The following LAMA3 variants were observed in gnomAD, a reference collection of about 807,000 sequenced individuals.
LAMA3 encodes the protein laminin subunit alpha-3.
In LAMA3, 281 loss-of-function variants were observed where a neutral mutation model predicts 402.0. The ratio of observed to expected loss-of-function variants is 0.70; its 90% CI spans 0.63 to 0.77. The LOEUF (loss-of-function observed/expected upper bound fraction) is 0.77, where lower values mean the gene tolerates loss of function less well. LAMA3 is among the 30% of genes least tolerant of loss of function. The probability of loss-of-function intolerance (pLI) is 0.00; values close to 1 mark genes in which losing one functional copy is unlikely to be tolerated. For synonymous variants in LAMA3, 1,431 were observed against 1,558.4 expected (o/e 0.92, Z 1.93); for missense variants, 3,840 against 4,215.5 (o/e 0.91, Z 2.47).
At chr18:23,758,929 T>C (rs990541161) in intron 7 of LAMA3, among the ~76,000 whole-genome samples, 3 of 151,370 alleles carry the variant, frequency 2.0e-5, no homozygotes, top group East Asian at 3.9e-4. Flanking sequence ...AGTACTGGAG[T>C]ATGGAGTGCT....
chr18:23,869,239 T>A (rs2064444635), intron 37 of LAMA3, among the ~76,000 whole-genome samples: 1 of 152,206 alleles, frequency 6.6e-6, no homozygotes, highest in African/African-American at 2.4e-5. Context: ...AAGATGCAAT[T>A]TATATGATAG....
chr18:23,748,796 GAA>G (rs397941089), intron 3 of LAMA3, among the ~76,000 whole-genome samples: 4 of 131,132 alleles, frequency 3.1e-5, no homozygotes, highest in Admixed American at 7.8e-5. Flanking sequence ...CTCCATCTTG[GAA>G]AAAAAAAAAA....
intron 67 of LAMA3, among the ~76,000 whole-genome samples, chr18:23,938,993 G>A (rs140925567): frequency 6.6e-6 from 1 of 152,106 alleles, no homozygotes; most frequent in Non-Finnish European, 1.5e-5. Context: ...TTCGGGAAAG[G>A]TTAAAGAGCT....
At chr18:23,762,291 A>G (rs1470981401) in intron 7 of LAMA3, among the ~76,000 whole-genome samples, 1 of 152,120 alleles carries the variant, frequency 6.6e-6, no homozygotes, top group African/African-American at 2.4e-5. Context: ...ATACAGTTTT[A>G]AGGAGGTTAC....
chr18:23,713,183 T>C (rs1252395606), intron 1 of LAMA3, among the ~76,000 whole-genome samples: 2 of 152,198 alleles, frequency 1.3e-5, no homozygotes, highest in South Asian at 2.1e-4. Context: ...TTCTCAGTGC[T>C]GGTATTCACA....
chr18:23,842,321 CTA>C, intron 27 of LAMA3, 72 bp from the exon 28 acceptor site: 1 of 1,573,590 alleles, frequency 6.4e-7, no homozygotes, highest in South Asian at 1.1e-5. Context: ...TTTGAATACT[CTA>C]TGATTCCAGT....
At chr18:23,916,963 T>G (rs1829023726) in intron 60 of LAMA3, among the ~76,000 whole-genome samples, 2 of 150,906 alleles carry the variant, frequency 1.3e-5, no homozygotes, top group Non-Finnish European at 3.0e-5. Flanking sequence ...CACAGATTAT[T>G]TTATCACCCA....
At chr18:23,867,182 C>T (rs1384012452) in intron 36 of LAMA3, among the ~76,000 whole-genome samples, 1 of 152,168 alleles carries the variant, frequency 6.6e-6, no homozygotes, top group Non-Finnish European at 1.5e-5. Flanking sequence ...CACCAAAGCA[C>T]TTTCTTCCCA....
chr18:23,847,849 A>C (rs534842093), intron 32 of LAMA3, among the ~76,000 whole-genome samples, 181 bp downstream of exon 32: 2 of 152,230 alleles, frequency 1.3e-5, no homozygotes, highest in Non-Finnish European at 2.9e-5. Context: ...CCTTAGGCTC[A>C]GAACTGGGCA....
chr18:23,949,740 C>G (rs767387784), intron 70 of LAMA3, 25 bp from the exon 71 acceptor site: 2 of 1,612,878 alleles, frequency 1.2e-6, no homozygotes, highest in African/African-American at 2.7e-5. Flanking sequence ...AGGTAATGAG[C>G]TTTTTCTTTT....
rs370165389 is a variant in LAMA3, at chr18:23,899,028, G to A, written c.5799G>A (p.Leu1933=). Residue 1933 remains leucine, a synonymous_variant, in exon 46 of 75, where the codon CTG becomes CTA. Transcript: ENST00000313654. ...VNRATQSAKE[L]DVKIKNVIRN... ...GGGCAACACAAAGCGCAAAAGAACT[G>A]GATGTGAAGATTAAAAATGTCATCC... 23 of 1,613,788 alleles carry A rather than the reference G, an allele frequency of 1.4e-5. No homozygotes were observed. The highest frequency in any genetic ancestry group is 1.9e-5 in the Non-Finnish European group (23 of 1,179,876).
chr18:23,720,396 C>T (rs958044728), intron 2 of LAMA3, among the ~76,000 whole-genome samples: 1 of 151,988 alleles, frequency 6.6e-6, no homozygotes, highest in Non-Finnish European at 1.5e-5. Context: ...CACTCTGTCA[C>T]CAGGCTGGAG....
At chr18:23,872,673 C>G (rs1170243094) in intron 38 of LAMA3, among the ~76,000 whole-genome samples, 30 of 152,218 alleles carry the variant, frequency 2.0e-4, no homozygotes, top group Non-Finnish European at 4.4e-5. Context: ...TCCCCTTCCT[C>G]CATCTCTTTT....
At chr18:23,860,787 G>A (rs925722288) in intron 34 of LAMA3, among the ~76,000 whole-genome samples, 3 of 148,918 alleles carry the variant, frequency 2.0e-5, no homozygotes, top group African/African-American at 7.5e-5. Flanking sequence ...TCTGCCTCCC[G>A]GGTTCAAGCG....
intron 62 of LAMA3, among the ~76,000 whole-genome samples, chr18:23,924,445 C>T (rs991274106): frequency 6.6e-6 from 1 of 152,120 alleles, no homozygotes; most frequent in South Asian, 2.1e-4. Context: ...AGCCACCATG[C>T]CTGGCCTAGA....
intron 24 of LAMA3, 112 bp downstream of exon 24, chr18:23,834,100 T>G: frequency 1.7e-5 from 21 of 1,266,728 alleles, no homozygotes; most frequent in Non-Finnish European, 1.8e-5. Context: ...GAGGCAGCTC[T>G]TGAAAACAAG....
intron 6 of LAMA3, 39 bp from the exon 7 acceptor site, chr18:23,758,356 AC>A (rs778687710): frequency 5.3e-6 from 8 of 1,520,152 alleles, no homozygotes; most frequent in Non-Finnish European, 7.3e-6. Context: ...CCTCATCAAA[AC>A]TTTTCAATAA....
intron 35 of LAMA3, among the ~76,000 whole-genome samples, chr18:23,862,919 C>T (rs2064258504): frequency 6.6e-6 from 1 of 151,920 alleles, no homozygotes; most frequent in African/African-American, 2.4e-5. Flanking sequence ...ACGTGAGACC[C>T]TCCATAGGCT....
Position 23,878,651 on chromosome 18 carries a change from A to T in LAMA3, c.5112+2244A>T, listed in dbSNP as rs79643720. Among the ~76,000 whole-genome samples the T allele has an allele frequency of 1.9e-4, 29 of 152,384 alleles. No homozygotes were observed. The East Asian group carries it at 5.6e-3, about 29-fold the overall frequency. The stretch of plus-strand genomic sequence containing the variant: ...TCAAAGAACAGTAAAGAGGAAATCC[A>T]GTATATTTGAATATCAAACGGGCCT... On this transcript the variant is annotated intron_variant, in intron 39 of 74. Transcript: ENST00000313654.
Sources: allele counts gnomAD v4.1 joint callset (sites outside exome capture counted in the v4.1 genomes callset), GRCh38; gene constraint gnomAD v4.1.1; transcripts MANE v1.5; gene names NCBI Gene and HGNC (gene_info 2026-07-23, HGNC 2026-07-21).